MAMDC2: variants seen among roughly 807,000 people sequenced by gnomAD.
MAMDC2 encodes the protein MAM domain containing 2.
MAMDC2 carries 57 observed loss-of-function variants against 89.8 expected under a neutral mutation model. The observed-to-expected ratio is 0.63, with a 90% CI of 0.51 to 0.79. The LOEUF is 0.79. MAMDC2 is among the 30% of genes least tolerant of loss of function. The probability of loss-of-function intolerance (pLI) is 0.00; values close to 1 mark genes in which losing one functional copy is unlikely to be tolerated. For synonymous variants in MAMDC2, 313 were observed against 293.4 expected, an observed-to-expected ratio of 1.07 and a Z score of -0.68; for missense variants, 800 against 820.6, an observed-to-expected ratio of 0.97 and a Z score of 0.31.
At chr9:70,219,218 AG>A (rs2033509102) in intron 12 of MAMDC2, among the ~76,000 whole-genome samples, 1 of 152,206 alleles carries the variant, frequency 6.6e-6, no homozygotes, top group African/African-American at 2.4e-5. Flanking sequence ...AAATTCTAGT[AG>A]GTAGGGGCTG....
intron 12 of MAMDC2, among the ~76,000 whole-genome samples, chr9:70,219,254 C>T (rs1283711033): frequency 1.3e-5 from 2 of 152,196 alleles, no homozygotes; most frequent in Admixed American, 1.3e-4. Context: ...CCTGGAGAAC[C>T]ACACCTGCCT....
chr9:70,096,398 G>A lies in MAMDC2; in HGVS notation c.149-11813G>A, dbSNP rs182725613. On this transcript the variant is annotated intron_variant, in intron 2 of 13. Transcript: ENST00000377182. ...ACCCTAGTCACCTCCTGTTCTTAAA[G>A]TGGCCATTGCAACTCCAGTCCATCG... Among the ~76,000 whole-genome samples the A allele has an allele frequency of 1.9e-3, 282 of 152,308 alleles. 7 individuals carry two copies. The highest frequency in any genetic ancestry group is 0.016 in the Admixed American group (243 of 15,296).
At chr9:70,046,677 A>T (rs1826761714) in intron 2 of MAMDC2, among the ~76,000 whole-genome samples, 1 of 152,266 alleles carries the variant, frequency 6.6e-6, no homozygotes. Flanking sequence ...AAACAGGAAG[A>T]TGCTTATAGA....
intron 10 of MAMDC2, 50 bp from the exon 11 acceptor site, chr9:70,170,427 CAG>C: frequency 1.3e-6 from 2 of 1,547,432 alleles, no homozygotes; most frequent in Non-Finnish European, 1.7e-6. Context: ...GCTAGCAACA[CAG>C]AGTCATTGAA....
At position 70,211,675 on chromosome 9, in the gene MAMDC2, C is replaced by T. The variant is rs147524197; in HGVS notation, c.1652-6662C>T. Among the ~76,000 whole-genome samples the T allele has an allele frequency of 1.0e-3, 159 of 152,336 alleles. 1 individual carries two copies. The highest frequency in any genetic ancestry group is 1.8e-3 in the Admixed American group (28 of 15,304). On this transcript the variant is annotated intron_variant, in intron 11 of 13. Coordinates refer to ENST00000377182, the MANE Select transcript of MAMDC2 (RefSeq NM_153267.5). ...GCTTTGTTCCGTTACTGATGAGGAG[C>T]TACGTTCCTCTGGAATAGAAGAGGT... is the stretch of plus-strand genomic sequence containing the variant.
chr9:70,056,659 G>C (rs1827031046), intron 2 of MAMDC2, among the ~76,000 whole-genome samples: 1 of 152,274 alleles, frequency 6.6e-6, no homozygotes, highest in East Asian at 1.9e-4. Context: ...TATAGTACTT[G>C]CTTTAAAGCA....
At chr9:70,079,680 T>C (rs2118123087) in intron 2 of MAMDC2, among the ~76,000 whole-genome samples, 1 of 152,296 alleles carries the variant, frequency 6.6e-6, no homozygotes, top group Non-Finnish European at 1.5e-5. Context: ...TGGCTACTTG[T>C]TTATTCTCAG....
intron 2 of MAMDC2, among the ~76,000 whole-genome samples, chr9:70,061,872 G>A (rs1394440037): frequency 6.6e-6 from 1 of 152,196 alleles, no homozygotes; most frequent in Non-Finnish European, 1.5e-5. Context: ...CCAGTGAAAT[G>A]CTGCCATTCA....
intron 9 of MAMDC2, among the ~76,000 whole-genome samples, chr9:70,162,417 C>T (rs754039757): frequency 6.6e-6 from 1 of 151,864 alleles, no homozygotes; most frequent in Non-Finnish European, 1.5e-5. Context: ...ATTTTAAAAC[C>T]TATCTTGATT....
Position 70,126,180 on chromosome 9 carries a change from C to G in MAMDC2, c.665C>G (p.Ser222Ter), listed in dbSNP as rs1193471249. The G allele has an allele frequency of 6.2e-7, 1 of 1,613,632 alleles. No homozygotes were observed. The highest frequency in any genetic ancestry group is 1.7e-5 in the Admixed American group (1 of 59,966). Residue 222 changes from serine (S) to a stop codon, truncating the protein, a stop_gained, in exon 6 of 14, where the codon TCA becomes TGA. Coordinates refer to ENST00000377182, the MANE Select transcript of MAMDC2 (RefSeq NM_153267.5). LOFTEE classifies it high-confidence loss of function. ...TCAGGCCACTACATGTACGTGGACT[C>G]AGTTTATGTGAAGCACTTCCAGGAG... ...SELGHYMYVD[S>*]VYVKHFQEVA...
intron 2 of MAMDC2, among the ~76,000 whole-genome samples, chr9:70,049,804 G>A (rs149375201): frequency 6.6e-6 from 1 of 152,320 alleles, no homozygotes; most frequent in East Asian, 1.9e-4. Context: ...ACTGCTCTCA[G>A]GTTGAGCATG....
chr9:70,136,864 G>T (rs1230685510), intron 7 of MAMDC2, among the ~76,000 whole-genome samples: 1 of 152,168 alleles, frequency 6.6e-6, no homozygotes, highest in Non-Finnish European at 1.5e-5. Flanking sequence ...GAATGTCAAA[G>T]GATCCTTGTT....
At chr9:70,201,972 C>T (rs2033109684) in intron 11 of MAMDC2, among the ~76,000 whole-genome samples, 1 of 150,940 alleles carries the variant, frequency 6.6e-6, no homozygotes, top group East Asian at 2.0e-4. Context: ...TGCTAGCGGT[C>T]TATCAATTTT....
At chr9:70,073,914 G>T (rs1265559422) in intron 2 of MAMDC2, among the ~76,000 whole-genome samples, 2 of 152,212 alleles carry the variant, frequency 1.3e-5, no homozygotes, top group East Asian at 3.8e-4. Flanking sequence ...TCTGTCTGCA[G>T]CTGTTCAAAG....
intron 11 of MAMDC2, among the ~76,000 whole-genome samples, chr9:70,214,518 T>C (rs2033410878): frequency 6.6e-6 from 1 of 152,236 alleles, no homozygotes; most frequent in East Asian, 1.9e-4. Context: ...TTGTAAGGAC[T>C]TTAGCTTTCA....
At chr9:70,213,769 T>C (rs919464066) in intron 11 of MAMDC2, among the ~76,000 whole-genome samples, 8 of 152,206 alleles carry the variant, frequency 5.3e-5, no homozygotes, top group African/African-American at 1.9e-4. Flanking sequence ...GAATTATGTG[T>C]TCATCTAAAA....
intron 7 of MAMDC2, among the ~76,000 whole-genome samples, chr9:70,135,013 C>T (rs899341971): frequency 1.3e-5 from 2 of 152,216 alleles, no homozygotes; most frequent in African/African-American, 4.8e-5. Context: ...TCTCCGTGAA[C>T]TCCAGGGAGC....
At chr9:70,162,377 C>G (rs2032002283) in intron 9 of MAMDC2, among the ~76,000 whole-genome samples, 1 of 152,026 alleles carries the variant, frequency 6.6e-6, no homozygotes, top group African/African-American at 2.4e-5. Context: ...ACTATAACAT[C>G]CTATAAAGTG....
chr9:70,151,601 T>G (rs890783755), intron 9 of MAMDC2, among the ~76,000 whole-genome samples: 1 of 152,206 alleles, frequency 6.6e-6, no homozygotes, highest in Admixed American at 6.5e-5. Context: ...CTTTGAAGCC[T>G]GCCTTTTAGT....
Sources: gnomAD v4.1 joint callset for allele counts (sites outside exome capture counted in the v4.1 genomes callset) on GRCh38, gnomAD v4.1.1 for gene constraint, MANE v1.5 for transcripts, NCBI Gene and HGNC (gene_info 2026-07-23, HGNC 2026-07-21) for gene names.